SUMF1: variants seen among roughly 807,000 people sequenced by gnomAD.
SUMF1 encodes the protein sulfatase modifying factor 1.
Under a neutral mutation model 47.6 loss-of-function variants are expected in SUMF1, and 48 were observed. The observed-to-expected ratio is 1.01, with a 90% CI of 0.80 to 1.28. The LOEUF (loss-of-function observed/expected upper bound fraction) is 1.28, where lower values mean the gene tolerates loss of function less well. Among genes scored for constraint, SUMF1 ranks in the 50% most tolerant of loss-of-function variants. The pLI is 0.00. For synonymous variants in SUMF1, 230 were observed against 192.1 expected, an observed-to-expected ratio of 1.20 and a Z score of -1.63; for missense variants, 571 against 485.4, an observed-to-expected ratio of 1.18 and a Z score of -1.66.
intron 8 of SUMF1, among the ~76,000 whole-genome samples, chr3:4,211,097 A>T (rs1163772090): frequency 1.8e-5 from 1 of 54,616 alleles, no homozygotes; most frequent in Non-Finnish European, 3.9e-5. Context: ...CTCCTTAATA[A>T]ACTCCCATAT....
chr3:4,360,385 T>C (rs1373654947), downstream of SUMF1, among the ~76,000 whole-genome samples: 1 of 151,804 alleles, frequency 6.6e-6, no homozygotes, highest in Non-Finnish European at 1.5e-5. Context: ...TGGAATGCAA[T>C]GGCGCGATCT....
chr3:4,223,767 G>A (rs994002550), intron 8 of SUMF1, among the ~76,000 whole-genome samples: 6 of 152,088 alleles, frequency 3.9e-5, no homozygotes, highest in Non-Finnish European at 8.8e-5. Flanking sequence ...AATGTTTAAA[G>A]GTCTGAGCAA....
intron 8 of SUMF1, among the ~76,000 whole-genome samples, chr3:4,251,244 G>C (rs1181067845): frequency 6.6e-6 from 1 of 152,148 alleles, no homozygotes; most frequent in Non-Finnish European, 1.5e-5. Flanking sequence ...CTGCCTATGT[G>C]GTAGAAATAG....
intron 8 of SUMF1, among the ~76,000 whole-genome samples, chr3:4,335,980 A>AAAC (rs5846321): frequency 5.4e-5 from 8 of 148,196 alleles, no homozygotes; most frequent in African/African-American, 1.8e-4. Context: ...AAAAAAAAAA[A>AAAC]CAGAAAAAAC....
At chr3:4,059,870 T>A (rs1173079086) in intron 9 of SUMF1, among the ~76,000 whole-genome samples, 1 of 149,374 alleles carries the variant, frequency 6.7e-6, no homozygotes, top group African/African-American at 2.5e-5. Flanking sequence ...CAAGGGGTGA[T>A]GTGCTGGATA....
At chr3:4,127,953 C>T (rs748700848) in intron 8 of SUMF1, among the ~76,000 whole-genome samples, 4 of 151,984 alleles carry the variant, frequency 2.6e-5, no homozygotes, top group Admixed American at 1.3e-4. Context: ...CCTGATTCAT[C>T]GCTCATGAAA....
chr3:4,362,258 T>G lies in SUMF1; in HGVS notation c.1015-4A>C. 1 of 1,613,488 alleles carries G rather than the reference T, an allele frequency of 6.2e-7. No homozygotes were observed. Among genetic ancestry groups the G allele is most frequent in the Non-Finnish European group, 8.5e-7 (1 of 1,179,484 alleles). On this transcript the variant is annotated splice_region_variant and splice_polypyrimidine_tract_variant and intron_variant, in intron 8 of 8. Coordinates refer to ENST00000272902, the MANE Select transcript of SUMF1 (RefSeq NM_182760.4). ...AGCGATACCTGTAACAATAAGACTGTGTAGAGAGAAAGAGCAAGGTAAGTG... is the reference window on the plus strand; with the variant it reads ...AGCGATACCTGTAACAATAAGACTGGGTAGAGAGAAAGAGCAAGGTAAGTG...
chr3:4,109,468 G>T (rs1693240941), intron 8 of SUMF1, among the ~76,000 whole-genome samples: 2 of 152,034 alleles, frequency 1.3e-5, no homozygotes, highest in Non-Finnish European at 2.9e-5. Flanking sequence ...TTGAATGTTG[G>T]TCTGCCTTGC....
intron 6 of SUMF1, 80 bp from the exon 7 acceptor site, chr3:4,411,058 A>G: frequency 2.8e-6 from 3 of 1,068,406 alleles, no homozygotes; most frequent in South Asian, 1.3e-5. Context: ...ATGCAGCAAG[A>G]GCTTTAATTT....
intron 8 of SUMF1, among the ~76,000 whole-genome samples, chr3:4,125,435 A>G (rs775294720): frequency 5.3e-5 from 8 of 152,168 alleles, no homozygotes; most frequent in African/African-American, 1.9e-4. Context: ...ATTCAACTGA[A>G]TATTCCAATA....
At chr3:4,413,555 TA>T (rs891433878) in intron 6 of SUMF1, among the ~76,000 whole-genome samples, 1 of 152,054 alleles carries the variant, frequency 6.6e-6, no homozygotes, top group African/African-American at 2.4e-5. Flanking sequence ...ATCTACTAAC[TA>T]AAGCTTCCTC....
At chr3:4,300,878 G>GAC (rs201089605) in intron 8 of SUMF1, among the ~76,000 whole-genome samples, 6,529 of 150,624 alleles carry the variant, frequency 0.043, 443 homozygotes, top group African/African-American at 0.15. Flanking sequence ...AACATACAGA[G>GAC]ACACACACAC....
chr3:4,119,662 A>C (rs1693495839), intron 8 of SUMF1, among the ~76,000 whole-genome samples: 1 of 152,086 alleles, frequency 6.6e-6, no homozygotes, highest in South Asian at 2.1e-4. Context: ...CTCCTGCAGC[A>C]TTGTGAGTCA....
At chr3:4,167,306 A>T (rs1694730137) in intron 8 of SUMF1, among the ~76,000 whole-genome samples, 1 of 151,868 alleles carries the variant, frequency 6.6e-6, no homozygotes, top group Non-Finnish European at 1.5e-5. Flanking sequence ...TTATTCCCTT[A>T]TTTGTCCCCT....
chr3:4,253,800 C>CT (rs1175396255), intron 8 of SUMF1, among the ~76,000 whole-genome samples: 1 of 147,056 alleles, frequency 6.8e-6, no homozygotes, highest in Non-Finnish European at 1.5e-5. Context: ...GGCTCCACCT[C>CT]TGGGGGGCAG....
intron 8 of SUMF1, among the ~76,000 whole-genome samples, chr3:4,289,885 T>C (rs1479717553): frequency 6.6e-6 from 1 of 152,232 alleles, no homozygotes; most frequent in East Asian, 1.9e-4. Flanking sequence ...TATGAATGAC[T>C]CTAGCATCAA....
chr3:4,066,546 G>A (rs1369787816), intron 9 of SUMF1, among the ~76,000 whole-genome samples: 3 of 152,056 alleles, frequency 2.0e-5, no homozygotes, highest in African/African-American at 7.3e-5. Context: ...ATAGTATCAA[G>A]GAAACTGAAA....
At chr3:4,326,635 A>T (rs144088706) in intron 8 of SUMF1, among the ~76,000 whole-genome samples, 1 of 151,570 alleles carries the variant, frequency 6.6e-6, no homozygotes, top group East Asian at 1.9e-4. Context: ...CTCATGCCTC[A>T]GCTTCCTGAG....
At chr3:4,087,355 C>G (rs553471333) in intron 8 of SUMF1, among the ~76,000 whole-genome samples, 1 of 152,182 alleles carries the variant, frequency 6.6e-6, no homozygotes, top group East Asian at 1.9e-4. Flanking sequence ...CTCAAAATAG[C>G]CATATGACAT....
Sources: allele counts gnomAD v4.1 joint callset (sites outside exome capture counted in the v4.1 genomes callset), GRCh38; gene constraint gnomAD v4.1.1; transcripts MANE v1.5; gene names NCBI Gene and HGNC (gene_info 2026-07-23, HGNC 2026-07-21).